Variants in ZNF667 observed in about 807,000 individuals in gnomAD.
ZNF667 encodes the protein zinc finger protein 667, also known as myocardial ischemic preconditioning upregulated 1 ortholog.
ZNF667 carries 13 observed loss-of-function variants against 31.8 expected under a neutral mutation model. The observed-to-expected ratio is 0.41, with a 90% CI of 0.27 to 0.65. The LOEUF is 0.65. Among genes scored for constraint, ZNF667 ranks in the 30% least tolerant of loss-of-function variants. The pLI, the probability that ZNF667 is intolerant of heterozygous loss-of-function variation, is 0.32. For missense variants in ZNF667, 642 were observed against 725.6 expected (o/e 0.88, Z 1.32); for synonymous variants, 228 against 247.1 (o/e 0.92, Z 0.73).
rs565069270 is a variant in ZNF667 at position 56,456,258 on chromosome 19, A to G, written c.253+1897T>C. Among the ~76,000 whole-genome samples the G allele has an allele frequency of 2.0e-5, 3 of 152,346 alleles. No individual in the cohort carries two copies. The East Asian group carries it at 5.8e-4, about 29-fold the overall frequency. On this transcript the variant is annotated intron_variant, in intron 6 of 6. Transcript: ENST00000504904. ...TGCTATTGATGGTGCTGATTTGATA[A>G]TTCTCCTTTTTAAGTTGTAGTCATG...
intron 5 of ZNF667, among the ~76,000 whole-genome samples, chr19:56,459,546 G>T (rs1284013356): frequency 6.6e-6 from 1 of 152,104 alleles, no homozygotes; most frequent in Non-Finnish European, 1.5e-5. Context: ...CAGATCCGAG[G>T]GGACCTTCCT....
At position 56,440,651 on chromosome 19, in the gene ZNF667, T is replaced by G. The variant is rs1293571962; in HGVS notation, c.*511A>C. 9 of 954,746 alleles carry G rather than the reference T, an allele frequency of 9.4e-6. No homozygotes were observed. Among genetic ancestry groups the G allele is most frequent in the Non-Finnish European group, 1.1e-5 (9 of 802,392 alleles). 59.1% of individuals were successfully genotyped at this position (954,746 alleles called of 1,614,324 possible). A position where few individuals can be genotyped will look rare whatever the true frequency, so the allele number is the denominator to read the frequency against. ...GTAAAATATCGGTAATTTTTTTTTT[T>G]TTTGACACAGAGTCTTGCTCTGTTG... On this transcript the variant is annotated 3_prime_UTR_variant, in exon 7 of 7. Coordinates refer to ENST00000504904, the MANE Select transcript of ZNF667 (RefSeq NM_001321356.2).
At chr19:56,468,803 G>A (rs1055194581) in intron 3 of ZNF667, 3 of 152,196 alleles carry the variant, frequency 2.0e-5, no homozygotes, top group African/African-American at 4.8e-5. Flanking sequence ...AATTACAAAG[G>A]TCCTCTTTAT....
At position 56,441,057 on chromosome 19, in the gene ZNF667, T is replaced by C. The variant is rs2042589331; in HGVS notation, c.*105A>G. 2.0e-6 allele frequency: 3 copies of C among 1,477,762 alleles called. No individual in the cohort carries two copies. Among genetic ancestry groups the C allele is most frequent in the Non-Finnish European group, 1.8e-6 (2 of 1,118,442 alleles). The allele number at this position is 1,477,762 out of a possible 1,614,324, so 91.5% of individuals were successfully genotyped here. On this transcript the variant is annotated 3_prime_UTR_variant, in exon 7 of 7. Coordinates refer to ENST00000504904, the MANE Select transcript of ZNF667 (RefSeq NM_001321356.2). This position sits in a 1 kb window ranked among gnomAD's most constrained non-coding sequence, Gnocchi z 4.2. ...GCTCTTTGGCTTTCAAAGTGGGACATATCATCAAATGGTCCCATATACACA... is the reference window on the plus strand; with the variant it reads ...GCTCTTTGGCTTTCAAAGTGGGACACATCATCAAATGGTCCCATATACACA...
At chr19:56,469,717 G>T (rs976954449) in intron 3 of ZNF667, among the ~76,000 whole-genome samples, 4 of 152,106 alleles carry the variant, frequency 2.6e-5, no homozygotes, top group African/African-American at 9.7e-5. Flanking sequence ...TCTTATCGTG[G>T]TGTAACTCGC....
At chr19:56,462,189 C>T (rs2043058715) in intron 4 of ZNF667, 149 bp downstream of exon 4, 1 of 987,644 alleles carries the variant, frequency 1.0e-6, no homozygotes, top group Non-Finnish European at 1.6e-6. Flanking sequence ...TTCTCAGGTT[C>T]TCATCCCTCA....
At position 56,463,318 on chromosome 19, in the gene ZNF667, A is replaced by T. The variant is rs565832060; in HGVS notation, c.-59-889T>A. Among the ~76,000 whole-genome samples, 54 of 152,212 alleles carry T rather than the reference A, an allele frequency of 3.5e-4. 1 individual carries two copies. The highest frequency in any genetic ancestry group is 1.2e-3 in the African/African-American group (50 of 41,552). On this transcript the variant is annotated intron_variant, in intron 3 of 6. Transcript: ENST00000504904. ...AGGTAGCTTTGCAGAAATCCGGGGA[A>T]GATGTTGGTGGCATGACTAGGGTGG... is the stretch of plus-strand genomic sequence containing the variant.
Position 56,442,093 on chromosome 19 carries a change from C to A in ZNF667, c.902G>T (p.Arg301Ile), listed in dbSNP as rs199981689. The change falls in exon 7 of 7, where the codon AGA becomes ATA. Residue 301 changes from arginine to isoleucine, a missense_variant. Transcript: ENST00000504904. ...KKKSVFVVHK[R>I]IHAGEKIPEN... ...AGGGATTTTCTCTCCAGCATGAATT[C>A]TTTTATGTACAACAAAGACTGATTT... The A allele has an allele frequency of 4.3e-5, 70 of 1,613,950 alleles. No individual in the cohort carries two copies. Among genetic ancestry groups the A allele is most frequent in the Non-Finnish European group, 5.5e-5 (65 of 1,179,998 alleles).
intron 3 of ZNF667, among the ~76,000 whole-genome samples, chr19:56,465,431 G>C (rs1428711835): frequency 1.3e-5 from 2 of 152,228 alleles, no homozygotes; most frequent in African/African-American, 4.8e-5. Flanking sequence ...ATTATTACAT[G>C]TCTCTCTTTG....
At chr19:56,449,590 G>A (rs575370355) in intron 6 of ZNF667, 29 of 210,386 alleles carry the variant, frequency 1.4e-4, no homozygotes, top group Non-Finnish European at 2.3e-4. Context: ...GCTGAGGCAC[G>A]AGAATTGCTT....
At chr19:56,463,648 C>A (rs1434510324) in intron 3 of ZNF667, among the ~76,000 whole-genome samples, 1 of 152,088 alleles carries the variant, frequency 6.6e-6, no homozygotes, top group Non-Finnish European at 1.5e-5. Flanking sequence ...CCACCTCAGC[C>A]TTCCAAGTAG....
At chr19:56,454,260 T>C (rs1472336940) in intron 6 of ZNF667, among the ~76,000 whole-genome samples, 2 of 152,136 alleles carry the variant, frequency 1.3e-5, no homozygotes, top group Admixed American at 6.5e-5. Context: ...CTACCCAAAT[T>C]AATCTACAGA....
rs749142474 is a variant in ZNF667, at chr19:56,458,215, A to C, written c.193T>G (p.Leu65Val). The C allele has an allele frequency of 1.2e-6, 2 of 1,614,124 alleles. No individual in the cohort carries two copies. Among genetic ancestry groups the C allele is most frequent in the Admixed American group, 3.3e-5 (2 of 60,016 alleles). The change falls in exon 6 of 7, where the codon TTA (leucine) becomes GTA (valine). Residue 65 changes from leucine (L) to valine (V), a missense_variant. Coordinates refer to ENST00000504904, the MANE Select transcript of ZNF667 (RefSeq NM_001321356.2). The part of the protein sequence containing the change: ...LSFRRPNVIT[L>V]LEKGKAPWMV... Reference sequence around the variant, plus strand: ...CAGGGTGCTTTCCCTTTCTCCAATAAGGTGATCACATTTGGTCTCCGAAAG... The same window carrying C: ...CAGGGTGCTTTCCCTTTCTCCAATACGGTGATCACATTTGGTCTCCGAAAG...
chr19:56,468,314 A>C (rs1396830843), intron 3 of ZNF667: 3 of 152,254 alleles, frequency 2.0e-5, no homozygotes, highest in Non-Finnish European at 2.9e-5. Context: ...GCCCTATTTC[A>C]CTAAGCCAGA....
chr19:56,466,905 T>G, intron 3 of ZNF667: 1 of 425,276 alleles, frequency 2.4e-6, no homozygotes, highest in Non-Finnish European at 4.7e-6. Flanking sequence ...TTCCCATTCC[T>G]TCTCCTGCTT....
At chr19:56,474,546 AG>A (rs2043360924) in intron 1 of ZNF667, 1 of 152,294 alleles carries the variant, frequency 6.6e-6, no homozygotes, top group African/African-American at 2.4e-5. Flanking sequence ...GGATGGGGCT[AG>A]GAATACCCCT....
intron 6 of ZNF667, among the ~76,000 whole-genome samples, chr19:56,444,487 C>G (rs937228885): frequency 6.6e-6 from 1 of 151,858 alleles, no homozygotes; most frequent in Non-Finnish European, 1.5e-5. Flanking sequence ...GACCCCACCT[C>G]CAACACTGAG....
chr19:56,468,124 G>A (rs1419864495), intron 3 of ZNF667: 1 of 152,208 alleles, frequency 6.6e-6, no homozygotes. Context: ...ACATGTAAAA[G>A]AAAAGGGCAT....
At chr19:56,450,619 G>A (rs1406005434) in intron 6 of ZNF667, among the ~76,000 whole-genome samples, 1 of 152,104 alleles carries the variant, frequency 6.6e-6, no homozygotes, top group Non-Finnish European at 1.5e-5. Flanking sequence ...CATATCTTAA[G>A]TAGGAAGACT....
Sources: allele counts gnomAD v4.1 joint callset (sites outside exome capture counted in the v4.1 genomes callset), GRCh38; gene constraint gnomAD v4.1.1; non-coding constraint Gnocchi (gnomAD v3.1); transcripts MANE v1.5; gene names NCBI Gene and HGNC (gene_info 2026-07-23, HGNC 2026-07-21).